The following EPHX4 variants were observed in gnomAD, a reference collection of about 807,000 sequenced individuals.
The protein encoded by EPHX4 is epoxide hydrolase 4, also known as abhydrolase domain containing 7.
EPHX4 carries 31 observed loss-of-function variants against 44.9 expected under a neutral mutation model. The observed-to-expected ratio is 0.69, with a 90% CI of 0.52 to 0.93. The LOEUF is 0.93. Among genes scored for constraint, EPHX4 ranks in the 40% least tolerant of loss-of-function variants. The pLI is 0.00. For synonymous variants in EPHX4, 151 were observed against 159.7 expected (o/e 0.95, Z 0.41); for missense variants, 373 against 438.1 (o/e 0.85, Z 1.33).
rs1465741426 is a variant in EPHX4 at position 92,032,635 on chromosome 1, T to G, written c.317+45T>G. ...TTTATTGTTACATTAAAACTTGGCT[T>G]ATTTTCTCAGTTCATTTTGTGCTGC... is the stretch of plus-strand genomic sequence containing the variant. On this transcript the variant is annotated intron_variant, in intron 2 of 6. Coordinates refer to ENST00000370383, the MANE Select transcript of EPHX4 (RefSeq NM_173567.5). 7 of 1,495,174 alleles carry G rather than the reference T, an allele frequency of 4.7e-6. No homozygotes were observed. In the South Asian group the frequency reaches 5.7e-5, roughly 12 times the overall value. The allele number at this position is 1,495,174 out of a possible 1,614,324, so 92.6% of individuals were successfully genotyped here. A position where few individuals can be genotyped will look rare whatever the true frequency, so the allele number is the denominator to read the frequency against.
At chr1:92,043,613 T>C (rs1688543215) in intron 3 of EPHX4, 1 of 152,258 alleles carries the variant, frequency 6.6e-6, no homozygotes, top group Non-Finnish European at 1.5e-5. Context: ...ATTTCTGTTG[T>C]ATCAATCAGT....
chr1:92,039,215 A>C (rs1407329848), intron 2 of EPHX4, among the ~76,000 whole-genome samples: 1 of 152,208 alleles, frequency 6.6e-6, no homozygotes, highest in East Asian at 1.9e-4. Flanking sequence ...ATAGGGAGTC[A>C]AGAAAGGATT....
At chr1:92,032,273 A>G (rs1396839029) in intron 1 of EPHX4, among the ~76,000 whole-genome samples, 1 of 152,218 alleles carries the variant, frequency 6.6e-6, no homozygotes, top group Non-Finnish European at 1.5e-5. Context: ...GAATCTGTCA[A>G]TTTACCCTAT....
At chr1:92,054,603 A>AG (rs1159550694) in intron 6 of EPHX4, among the ~76,000 whole-genome samples, 3 of 151,564 alleles carry the variant, frequency 2.0e-5, no homozygotes, top group Non-Finnish European at 4.4e-5. Context: ...AAAAAAAAAA[A>AG]AAAAGTAACC....
At chr1:92,053,874 G>A (rs1647305748) in intron 6 of EPHX4, among the ~76,000 whole-genome samples, 1 of 152,100 alleles carries the variant, frequency 6.6e-6, no homozygotes, top group Admixed American at 6.6e-5. Flanking sequence ...TACACCGTTG[G>A]GTAGTAGGGT....
chr1:92,045,947 C>T (rs1450835638), intron 4 of EPHX4, among the ~76,000 whole-genome samples: 2 of 152,146 alleles, frequency 1.3e-5, no homozygotes, highest in Non-Finnish European at 2.9e-5. Flanking sequence ...ATTGCTTTGA[C>T]AGTAATGAAT....
At chr1:92,047,056 TAA>T (rs1688592926) in intron 4 of EPHX4, among the ~76,000 whole-genome samples, 2 of 152,212 alleles carry the variant, frequency 1.3e-5, no homozygotes, top group Non-Finnish European at 2.9e-5. Flanking sequence ...GTAGCAGATA[TAA>T]GTTTTCCAAA....
chr1:92,046,870 T>A (rs367739989), intron 4 of EPHX4, among the ~76,000 whole-genome samples: 1 of 152,226 alleles, frequency 6.6e-6, no homozygotes, highest in Non-Finnish European at 1.5e-5. Flanking sequence ...ATTGTATCTT[T>A]TATCCATGCC....
intron 4 of EPHX4, among the ~76,000 whole-genome samples, chr1:92,046,604 C>T (rs562706018): frequency 1.3e-5 from 2 of 152,208 alleles, no homozygotes; most frequent in South Asian, 2.1e-4. Context: ...GCTGGGACTA[C>T]AGACACCCGC....
intron 6 of EPHX4, among the ~76,000 whole-genome samples, chr1:92,059,151 G>A (rs1416027705): frequency 2.0e-5 from 3 of 152,046 alleles, no homozygotes; most frequent in African/African-American, 4.8e-5. Context: ...AGATAAACTC[G>A]AGGGCCAGGT....
intron 6 of EPHX4, among the ~76,000 whole-genome samples, chr1:92,060,580 T>C (rs904271580): frequency 6.6e-6 from 1 of 152,112 alleles, no homozygotes; most frequent in Non-Finnish European, 1.5e-5. Context: ...CTTGACAAGC[T>C]AATTTTAAAA....
At chr1:92,058,079 CA>C (rs765504557) in intron 6 of EPHX4, among the ~76,000 whole-genome samples, 6 of 152,072 alleles carry the variant, frequency 3.9e-5, no homozygotes, top group Non-Finnish European at 7.4e-5. Flanking sequence ...TCCACACATT[CA>C]AAATAAAATA....
In EPHX4 at chr1:92,045,734, A is replaced by T. The variant is rs1054338889; in HGVS notation, c.604+74A>T. On this transcript the variant is annotated intron_variant, in intron 4 of 6. Transcript: ENST00000370383. ...TCTTGCCACTGACCTTTTGGATTAGAAACAGCAAAATTTGGTTACTATCAT... is the reference window on the plus strand; with the variant it reads ...TCTTGCCACTGACCTTTTGGATTAGTAACAGCAAAATTTGGTTACTATCAT... 7 of 1,561,578 alleles carry T rather than the reference A, an allele frequency of 4.5e-6. No individual in the cohort carries two copies. In the African/African-American group the frequency reaches 8.2e-5, roughly 18 times the overall value.
chr1:92,035,120 A>G, intron 2 of EPHX4, among the ~76,000 whole-genome samples: 1 of 152,134 alleles, frequency 6.6e-6, no homozygotes, highest in East Asian at 1.9e-4. Flanking sequence ...CTGCATGAAG[A>G]TTTTTTTCCC....
rs1385860741 is a variant in EPHX4 at position 92,030,175 on chromosome 1, C to G, written c.96C>G (p.Ala32=). ...SLVYCYCGLC[A]SIHLLKLLWS... ...TCTACTGCTACTGCGGGCTCTGCGCCTCCATCCACCTGCTCAAACTTTTGT... is the reference window on the plus strand; with the variant it reads ...TCTACTGCTACTGCGGGCTCTGCGCGTCCATCCACCTGCTCAAACTTTTGT... Residue 32 remains alanine (A), a synonymous_variant, in exon 1 of 7, where the codon GCC becomes GCG. Coordinates refer to ENST00000370383, the MANE Select transcript of EPHX4 (RefSeq NM_173567.5). 6.2e-7 allele frequency: 1 copy of G among 1,612,314 alleles called. No homozygotes were observed. The highest frequency in any genetic ancestry group is 1.1e-5 in the South Asian group (1 of 90,736).
chr1:92,063,362 A>G lies in EPHX4; in HGVS notation c.*76A>G, dbSNP rs1647540722. On this transcript the variant is annotated 3_prime_UTR_variant, in exon 7 of 7. Transcript: ENST00000370383. ...TTAAAAATTGTTCATCAACTTCTTT[A>G]TGTTTTATTAGAAAAAAACTGTTTT... is the stretch of plus-strand genomic sequence containing the variant. 3.5e-6 allele frequency: 4 copies of G among 1,130,476 alleles called. No homozygotes were observed. The highest frequency in any genetic ancestry group is 2.9e-5 in the Admixed American group (1 of 34,552). The allele number at this position is 1,130,476 out of a possible 1,614,324, so 70.0% of individuals were successfully genotyped here. A position where few individuals can be genotyped will look rare whatever the true frequency, so the allele number is the denominator to read the frequency against.
intron 2 of EPHX4, among the ~76,000 whole-genome samples, chr1:92,039,567 C>T (rs1688482333): frequency 6.6e-6 from 1 of 152,146 alleles, no homozygotes; most frequent in South Asian, 2.1e-4. Flanking sequence ...TTTAAGGAAA[C>T]AAGCTACTTT....
At chr1:92,045,928 T>C (rs948438467) in intron 4 of EPHX4, among the ~76,000 whole-genome samples, 4 of 152,182 alleles carry the variant, frequency 2.6e-5, no homozygotes, top group African/African-American at 9.7e-5. Flanking sequence ...AAGGGAAACA[T>C]ACAATGACAT....
intron 6 of EPHX4, among the ~76,000 whole-genome samples, chr1:92,057,165 C>A (rs1268224258): frequency 1.3e-5 from 2 of 151,718 alleles, no homozygotes; most frequent in African/African-American, 4.8e-5. Context: ...AATTAGAAGA[C>A]AAATAATTTA....
Sources: gnomAD v4.1 joint callset for allele counts (sites outside exome capture counted in the v4.1 genomes callset) on GRCh38, gnomAD v4.1.1 for gene constraint, MANE v1.5 for transcripts, NCBI Gene and HGNC (gene_info 2026-07-23, HGNC 2026-07-21) for gene names.